The following SYNM variants were observed in gnomAD, a reference collection of about 807,000 sequenced individuals.
SYNM encodes desmuslin.
Under a neutral mutation model 104.0 loss-of-function variants are expected in SYNM, and 95 were observed. That is an observed-to-expected ratio of 0.91 (90% CI 0.77 to 1.08). SYNM has a LOEUF of 1.08. Ranked by LOEUF, SYNM falls within the 50% of genes least tolerant of loss-of-function variation. The pLI, the probability that SYNM is intolerant of heterozygous loss-of-function variation, is 0.00. For synonymous variants in SYNM, 918 were observed against 869.0 expected (o/e 1.06, Z -0.99); for missense variants, 2,150 against 2,052.2 (o/e 1.05, Z -0.92).
chr15:99,123,691 C>T (rs1157295956), intron 2 of SYNM, among the ~76,000 whole-genome samples: 2 of 152,252 alleles, frequency 1.3e-5, no homozygotes, highest in African/African-American at 4.8e-5. Context: ...TCTCCACCTG[C>T]TGTTTGCTAG....
At chr15:99,124,089 C>T (rs2067426224) in intron 2 of SYNM, among the ~76,000 whole-genome samples, 1 of 152,234 alleles carries the variant, frequency 6.6e-6, no homozygotes, top group African/African-American at 2.4e-5. Context: ...GTGTGAAATG[C>T]CCACAATAGC....
intron 2 of SYNM, among the ~76,000 whole-genome samples, chr15:99,123,225 C>T (rs1476006441): frequency 3.9e-5 from 6 of 152,006 alleles, no homozygotes; most frequent in Non-Finnish European, 7.4e-5. Flanking sequence ...TGAATCCAGA[C>T]ATCCTGACTC....
At chr15:99,128,295 A>T (rs7166447) in intron 3 of SYNM, among the ~76,000 whole-genome samples, 20,879 of 152,230 alleles carry the variant, frequency 0.14, 1,462 homozygotes, top group Admixed American at 0.16. Context: ...CTTGCCCGCT[A>T]GCCGGTGGAC....
intron 1 of SYNM, among the ~76,000 whole-genome samples, chr15:99,112,470 T>C (rs1285468686): frequency 6.6e-6 from 1 of 152,156 alleles, no homozygotes; most frequent in African/African-American, 2.4e-5. Flanking sequence ...ATAGTACATT[T>C]TGAGGAGGGT....
chr15:99,107,695 C>G (rs1555482958), intron 1 of SYNM, among the ~76,000 whole-genome samples: 1 of 152,166 alleles, frequency 6.6e-6, no homozygotes. Context: ...CAGAGTTCCC[C>G]TGACTGGAGG....
downstream of SYNM, chr15:99,136,921 C>T (rs1193422549): frequency 9.8e-5 from 15 of 152,346 alleles, no homozygotes; most frequent in Admixed American, 9.2e-4. Context: ...TTATTTTCCC[C>T]ATCAATACTG....
At chr15:99,106,844 A>G (rs2067249855) in intron 1 of SYNM, among the ~76,000 whole-genome samples, 1 of 152,252 alleles carries the variant, frequency 6.6e-6, no homozygotes, top group Non-Finnish European at 1.5e-5. Context: ...CCCAAATCAC[A>G]CTATCAGTAG....
Position 99,132,760 on chromosome 15 carries a change from G to C in SYNM, c.4400G>C (p.Ser1467Thr). The C allele has an allele frequency of 1.2e-6, 2 of 1,613,954 alleles. No individual in the cohort carries two copies. The highest frequency in any genetic ancestry group is 1.7e-6 in the Non-Finnish European group (2 of 1,179,892). Reference sequence around the variant, plus strand: ...TCGTTTACCTTTCAGATGGATGTGAGTAACGTAGAGGCGATCCGCAGCCGG... The same window carrying C: ...TCGTTTACCTTTCAGATGGATGTGACTAACGTAGAGGCGATCCGCAGCCGG... ...ETSFTFQMDV[S>T]NVEAIRSRTQ... Residue 1467 changes from serine to threonine, a missense_variant, in exon 4 of 4, where the codon AGT becomes ACT. Transcript: ENST00000336292.
chr15:99,135,649 T>TCTA (rs1425339053), downstream of SYNM: 9 of 152,610 alleles, frequency 5.9e-5, no homozygotes, highest in African/African-American at 9.7e-5. Context: ...TCCTTTAAAC[T>TCTA]CTAAGTAAAG....
At chr15:99,140,902 A>C in the SYNM span, 5 of 152,208 alleles carry the variant, frequency 3.3e-5, no homozygotes, top group Non-Finnish European at 5.9e-5. Flanking sequence ...GTAATGAGAA[A>C]TACCAAACCA....
At chr15:99,111,765 C>T (rs1555483419) in intron 1 of SYNM, among the ~76,000 whole-genome samples, 1 of 152,212 alleles carries the variant, frequency 6.6e-6, no homozygotes, top group African/African-American at 2.4e-5. Flanking sequence ...TAAATTCTGG[C>T]TGGGTGCAGT....
chr15:99,130,953 T>G lies in SYNM; in HGVS notation c.2593T>G (p.Trp865Gly). The part of the protein sequence containing the change: ...IEEESTIRYS[W>G]QDEIVQGTRR... Reference sequence around the variant, plus strand: ...GGAGGAATCCACCATCAGGTACTCTTGGCAGGATGAAATCGTGCAGGGGAC... The same window carrying G: ...GGAGGAATCCACCATCAGGTACTCTGGGCAGGATGAAATCGTGCAGGGGAC... The change falls in exon 4 of 4, where the codon TGG (tryptophan) becomes GGG (glycine). Residue 865 changes from tryptophan (W) to glycine (G), a missense_variant. Transcript: ENST00000336292. 2 of 1,613,780 alleles carry G rather than the reference T, an allele frequency of 1.2e-6. No homozygotes were observed. Among genetic ancestry groups the G allele is most frequent in the Non-Finnish European group, 1.7e-6 (2 of 1,179,814 alleles).
At chr15:99,117,413 T>C (rs1555484067) in intron 2 of SYNM, among the ~76,000 whole-genome samples, 1 of 152,168 alleles carries the variant, frequency 6.6e-6, no homozygotes, top group Non-Finnish European at 1.5e-5. Flanking sequence ...CAGCCTCTTA[T>C]GAGTCACATG....
At chr15:99,115,503 C>G (rs1703781) in intron 2 of SYNM, among the ~76,000 whole-genome samples, 12,529 of 131,998 alleles carry the variant, frequency 0.095, 633 homozygotes, top group African/African-American at 0.14. Context: ...CTTGCTCCAT[C>G]TCCTAGGCTG....
Position 99,105,654 on chromosome 15 carries a change from T to G in SYNM, c.455T>G (p.Val152Gly). ...CTCGACGCGGCCCACGAACGCGACGTGAGGGAGCTGCGCGCGCGCGCCGCC... is the reference window on the plus strand; with the variant it reads ...CTCGACGCGGCCCACGAACGCGACGGGAGGGAGCTGCGCGCGCGCGCCGCC... ...RGLDAAHERD[V>G]RELRARAASL... The change falls in exon 1 of 4, where the codon GTG (valine) becomes GGG (glycine). Residue 152 changes from valine (V) to glycine (G), a missense_variant. Transcript: ENST00000336292. The G allele has an allele frequency of 8.0e-6, 11 of 1,383,616 alleles. No homozygotes were observed. Among genetic ancestry groups the G allele is most frequent in the Admixed American group, 3.1e-5 (1 of 32,180 alleles). 85.7% of individuals were successfully genotyped at this position (1,383,616 alleles called of 1,614,324 possible).
downstream of SYNM, chr15:99,136,644 C>T (rs2067613540): frequency 6.6e-6 from 1 of 152,304 alleles, no homozygotes; most frequent in Admixed American, 6.5e-5. Context: ...ACCCCACCCC[C>T]AATACCATCC....
In SYNM at chr15:99,124,629, C is replaced by T. The variant is rs183654942; in HGVS notation, c.936-2093C>T. On this transcript the variant is annotated intron_variant, in intron 2 of 3. Transcript: ENST00000336292. ...ATTTGTGCTTTCTGAAATTTGTGTG[C>T]AATACCATGGTCTCTGGCCTCACTG... Among the ~76,000 whole-genome samples the T allele has an allele frequency of 4.7e-4, 72 of 152,316 alleles. 1 individual carries two copies. The highest frequency in any genetic ancestry group is 1.6e-3 in the African/African-American group (67 of 41,570).
At chr15:99,110,833 G>A (rs979951046) in intron 1 of SYNM, among the ~76,000 whole-genome samples, 5 of 152,286 alleles carry the variant, frequency 3.3e-5, no homozygotes, top group African/African-American at 1.2e-4. Flanking sequence ...CCTCTGCTCG[G>A]GTGAGATGTA....
chr15:99,138,113 G>A (rs2067740806), downstream of SYNM: 1 of 1,612,710 alleles, frequency 6.2e-7, no homozygotes, highest in African/African-American at 1.3e-5. Context: ...TGGCTTCGAA[G>A]CAACCTTGGG....
Sources: allele counts gnomAD v4.1 joint callset (sites outside exome capture counted in the v4.1 genomes callset), GRCh38; gene constraint gnomAD v4.1.1; transcripts MANE v1.5; gene names NCBI Gene and HGNC (gene_info 2026-07-23, HGNC 2026-07-21).